MYH13: variants seen among roughly 807,000 people sequenced by gnomAD.
MYH13 encodes myosin heavy chain 13, also known as myosin-13.
MYH13 carries 177 observed loss-of-function variants against 232.1 expected under a neutral mutation model. The observed-to-expected ratio is 0.76, with a 90% CI of 0.67 to 0.86. The LOEUF (loss-of-function observed/expected upper bound fraction) is 0.86. Ranked by LOEUF, MYH13 falls within the 40% of genes least tolerant of loss-of-function variation. The probability of loss-of-function intolerance (pLI) is 0.00; values close to 1 mark genes in which losing one functional copy is unlikely to be tolerated. For missense variants in MYH13, 2,246 were observed against 2,405.9 expected, an observed-to-expected ratio of 0.93 and a Z score of 1.39; for synonymous variants, 884 against 923.5, an observed-to-expected ratio of 0.96 and a Z score of 0.78.
At chr17:10,359,698 C>T (rs1003527656) in intron 7 of MYH13, among the ~76,000 whole-genome samples, 1 of 152,116 alleles carries the variant, frequency 6.6e-6, no homozygotes, top group Non-Finnish European at 1.5e-5. Flanking sequence ...TTGATGCTTT[C>T]TCTAGGTAGT....
At position 10,324,274 on chromosome 17, in the gene MYH13, C is replaced by G; in HGVS notation, c.2692-10G>C. The G allele has an allele frequency of 1.2e-6, 2 of 1,612,754 alleles. No homozygotes were observed. The highest frequency in any genetic ancestry group is 1.7e-6 in the Non-Finnish European group (2 of 1,179,522). ...TCAGATTTTCTGTTTCCTGAAAGAA[C>G]CAGGTCATTTTATGTTTTGATTGGC... On this transcript the variant is annotated splice_polypyrimidine_tract_variant and intron_variant, in intron 22 of 40. Coordinates refer to ENST00000252172, the MANE Select transcript of MYH13 (RefSeq NM_003802.3).
chr17:10,359,983 CCTT>C lies in MYH13; in HGVS notation c.619_621del (p.Lys207del), dbSNP rs1281351808. On this transcript the variant is annotated inframe_deletion, in exon 7 of 41. Transcript: ENST00000252172. ...ACCTGCATTTTGCCTGGCTGTGTCT[CCTT>C]CTTCTTGTCCCCGGTAACTGCAATT... 2.0e-5 allele frequency: 33 copies of C among 1,613,792 alleles called. No homozygotes were observed. The highest frequency in any genetic ancestry group is 2.8e-5 in the Non-Finnish European group (33 of 1,180,024).
At chr17:10,319,405 A>G (rs990325469) in intron 26 of MYH13, among the ~76,000 whole-genome samples, 1 of 151,746 alleles carries the variant, frequency 6.6e-6, no homozygotes, top group African/African-American at 2.4e-5. Context: ...GCTACTCGGG[A>G]GGCCGAGGCA....
intron 24 of MYH13, among the ~76,000 whole-genome samples, chr17:10,320,989 C>T (rs1023043186): frequency 1.3e-5 from 2 of 152,170 alleles, no homozygotes; most frequent in African/African-American, 4.8e-5. Context: ...AGGAGCACAC[C>T]TACCCTGGGC....
At chr17:10,329,998 TA>T (rs1555550352) in intron 21 of MYH13, among the ~76,000 whole-genome samples, 2,128 of 132,158 alleles carry the variant, frequency 0.016, 16 homozygotes, top group Middle Eastern at 0.023. Flanking sequence ...AGACTCTGTC[TA>T]AAAAAAAAAA....
Position 10,311,182 on chromosome 17 carries a change from T to G in MYH13, c.4577A>C (p.Asn1526Thr). 6.2e-7 allele frequency: 1 copy of G among 1,614,086 alleles called. No individual in the cohort carries two copies. The highest frequency in any genetic ancestry group is 1.1e-5 in the South Asian group (1 of 91,088). The change falls in exon 33 of 41, where the codon AAT becomes ACT. Residue 1526 changes from asparagine (N) to threonine (T), a missense_variant. Coordinates refer to ENST00000252172, the MANE Select transcript of MYH13 (RefSeq NM_003802.3). ...CTTGGTCTTTTCCGCTTCCTGAAGATTCTTGCCAGTTTCTGCAATCTGCTC... is the reference window on the plus strand; with the variant it reads ...CTTGGTCTTTTCCGCTTCCTGAAGAGTCTTGCCAGTTTCTGCAATCTGCTC... ...LTEQIAETGK[N>T]LQEAEKTKKL...
Position 10,318,850 on chromosome 17 carries a change from G to A in MYH13, c.3678C>T (p.Ser1226=), listed in dbSNP as rs12103825. 4.0e-3 allele frequency: 6,482 copies of A among 1,614,034 alleles called. 241 individuals carry two copies. The African/African-American group carries it at 0.075, about 19-fold the overall frequency. The change falls in exon 27 of 41, where the codon AGC becomes AGT. Residue 1226 remains serine (S), a synonymous_variant. Coordinates refer to ENST00000252172, the MANE Select transcript of MYH13 (RefSeq NM_003802.3). ...RVKQKLEKEK[S]ELKMEIDDMA... The stretch of plus-strand genomic sequence containing the variant: ...TGTCGTCAATCTCCATCTTCAGCTC[G>A]CTCTTCTCCTTCTCCAGCTTCTGCT...
rs769221864 is a variant in MYH13 at position 10,327,857 on chromosome 17, G to A, written c.2691+9C>T. 2.5e-6 allele frequency: 4 copies of A among 1,607,418 alleles called. No individual in the cohort carries two copies. The African/African-American group carries it at 4.0e-5, about 16-fold the overall frequency. ...CTGTGTTTTGCGTTCTCAAGTAGAA[G>A]GTACTTACAGACTGGACCTGCAATT... On this transcript the variant is annotated intron_variant, in intron 22 of 40. Coordinates refer to ENST00000252172, the MANE Select transcript of MYH13 (RefSeq NM_003802.3).
intron 5 of MYH13, among the ~76,000 whole-genome samples, chr17:10,361,397 T>C (rs1274148166): frequency 7.3e-5 from 11 of 151,240 alleles, no homozygotes; most frequent in Admixed American, 7.3e-4. Flanking sequence ...GTGCAAGCAA[T>C]TGTCCTGCCT....
intron 11 of MYH13, among the ~76,000 whole-genome samples, chr17:10,353,763 C>T (rs1267746936): frequency 6.6e-6 from 1 of 152,038 alleles, no homozygotes; most frequent in East Asian, 1.9e-4. Flanking sequence ...GTTCCAGCTA[C>T]TTGGGAGGCT....
chr17:10,346,311 T>G (rs1257338190), intron 13 of MYH13, among the ~76,000 whole-genome samples: 1 of 152,122 alleles, frequency 6.6e-6, no homozygotes, highest in Non-Finnish European at 1.5e-5. Flanking sequence ...AGGGTGAGGC[T>G]GGAAACACAG....
At chr17:10,359,792 A>T (rs147175542) in intron 7 of MYH13, among the ~76,000 whole-genome samples, 168 bp downstream of exon 7, 1,711 of 152,276 alleles carry the variant, frequency 0.011, 13 homozygotes, top group Middle Eastern at 0.071. Flanking sequence ...GAAAAACCCC[A>T]TACATTTGAT....
chr17:10,362,625 T>G, intron 3 of MYH13, 122 bp from the exon 4 acceptor site: 1 of 1,304,238 alleles, frequency 7.7e-7, no homozygotes, highest in Non-Finnish European at 1.1e-6. Context: ...ATGGATAATT[T>G]CATGGATCAT....
At chr17:10,350,261 A>G (rs1331520112) in intron 12 of MYH13, among the ~76,000 whole-genome samples, 1 of 152,172 alleles carries the variant, frequency 6.6e-6, no homozygotes, top group Non-Finnish European at 1.5e-5. Flanking sequence ...GTCTCAAAAA[A>G]GTCCACCTTA....
chr17:10,352,096 G>A (rs532290281), intron 11 of MYH13, among the ~76,000 whole-genome samples: 1 of 152,254 alleles, frequency 6.6e-6, no homozygotes, highest in Admixed American at 6.5e-5. Context: ...GGTCGTTGTA[G>A]GTTAAAAGAG....
chr17:10,336,651 G>A (rs1263401611), intron 18 of MYH13, among the ~76,000 whole-genome samples: 2 of 152,144 alleles, frequency 1.3e-5, no homozygotes, highest in African/African-American at 4.8e-5. Flanking sequence ...TACACTCTGG[G>A]CCAATACTTC....
chr17:10,311,895 G>C lies in MYH13; in HGVS notation c.4531+16C>G, dbSNP rs762413582. On this transcript the variant is annotated intron_variant, in intron 32 of 40. Transcript: ENST00000252172. ...AGAGGGGGACATAGCACACACCAGTGGTGGAGACAGCTCACCTTGCAGATT... is the reference window on the plus strand; with the variant it reads ...AGAGGGGGACATAGCACACACCAGTCGTGGAGACAGCTCACCTTGCAGATT... 2 of 1,613,746 alleles carry C rather than the reference G, an allele frequency of 1.2e-6. No homozygotes were observed. The highest frequency in any genetic ancestry group is 1.7e-6 in the Non-Finnish European group (2 of 1,179,840).
chr17:10,350,888 G>A, intron 11 of MYH13, 194 bp from the exon 12 acceptor site: 1 of 666,106 alleles, frequency 1.5e-6, no homozygotes, highest in Non-Finnish European at 2.6e-6. Context: ...TGAAGACTAT[G>A]GGAAAAAGAT....
At chr17:10,371,577 T>C (rs887001058) in intron 1 of MYH13, among the ~76,000 whole-genome samples, 2 of 152,190 alleles carry the variant, frequency 1.3e-5, no homozygotes, top group African/African-American at 4.8e-5. Context: ...ATGCAAAAGT[T>C]AGTAAGGGAT....
Sources: gnomAD v4.1 joint callset for allele counts (sites outside exome capture counted in the v4.1 genomes callset) on GRCh38, gnomAD v4.1.1 for gene constraint, MANE v1.5 for transcripts, NCBI Gene and HGNC (gene_info 2026-07-23, HGNC 2026-07-21) for gene names.